NKIRAS1: variants seen among roughly 807,000 people sequenced by gnomAD.
NKIRAS1 encodes NFKB inhibitor interacting Ras like 1, also known as NF-kappa-B inhibitor-interacting Ras-like protein 1.
NKIRAS1 carries 16 observed loss-of-function variants against 19.8 expected under a neutral mutation model. The observed-to-expected ratio is 0.81, with a 90% CI of 0.55 to 1.23. The LOEUF (loss-of-function observed/expected upper bound fraction) is 1.23. Among genes scored for constraint, NKIRAS1 ranks in the 50% most tolerant of loss-of-function variants. NKIRAS1 has a pLI of 0.00. For synonymous variants in NKIRAS1, 88 were observed against 79.0 expected (o/e 1.11, Z -0.61); for missense variants, 184 against 220.0 (o/e 0.84, Z 1.04).
chr3:23,919,005 G>A (rs1704900466), upstream of NKIRAS1: 1 of 604,364 alleles, frequency 1.7e-6, no homozygotes, highest in South Asian at 2.0e-5. Context: ...TTCAGTCTAT[G>A]TGTGTTGTTT....
Position 23,924,870 on chromosome 3 carries a change from A to G in NKIRAS1, c.-139-13420T>C, listed in dbSNP as rs551838667. 5.3e-5 allele frequency among the ~76,000 whole-genome samples: 8 copies of G among 152,360 alleles called. No homozygotes were observed. The South Asian group carries it at 1.4e-3, about 28-fold the overall frequency. On this transcript the variant is annotated intron_variant, in intron 1 of 4. Coordinates refer to the NKIRAS1 transcript ENST00000421515. ...AGGCAGACTAAATGAGGCAACAGTAATAGCCTCCAAATTTCAGTGGCTTAA... is the reference window on the plus strand; with the variant it reads ...AGGCAGACTAAATGAGGCAACAGTAGTAGCCTCCAAATTTCAGTGGCTTAA...
rs1701605207 is a variant in NKIRAS1 at position 23,893,205 on chromosome 3, G to C, written c.469C>G (p.Leu157Val). ...WEVTVTDRKT[L>V]IEPFTLLASK... is the part of the protein sequence containing the mutation. ...GCTAATAAAGTGAATGGTTCAATCA[G>C]AGTTTTCCGATCTGTAACAGTCACC... Residue 157 changes from leucine (L) to valine (V), a missense_variant, in exon 5 of 5, where the codon CTG becomes GTG. By Grantham distance (32) the Leu-to-Val change is conservative. Transcript: ENST00000425478. 1.2e-6 allele frequency: 2 copies of C among 1,613,916 alleles called. No individual in the cohort carries two copies. Among genetic ancestry groups the C allele is most frequent in the African/African-American group, 1.3e-5 (1 of 74,924 alleles).
Position 23,893,278 on chromosome 3 carries a change from A to G in NKIRAS1, c.396T>C (p.Ala132=). ...IDLSEQRQVD[A]EVAQQWAKSE... ...TTTTTGCCCACTGCTGTGCCACTTCAGCGTCCACTTGTCTCTGCTCAGAAA... is the reference window on the plus strand; with the variant it reads ...TTTTTGCCCACTGCTGTGCCACTTCGGCGTCCACTTGTCTCTGCTCAGAAA... The change falls in exon 5 of 5, where the codon GCT becomes GCC. Residue 132 remains alanine, a synonymous_variant. Coordinates refer to ENST00000425478, the MANE Select transcript of NKIRAS1 (RefSeq NM_020345.4). The G allele has an allele frequency of 6.2e-7, 1 of 1,614,068 alleles. No homozygotes were observed. The highest frequency in any genetic ancestry group is 1.1e-5 in the South Asian group (1 of 91,080).
In NKIRAS1 at chr3:23,893,345, A is replaced by G. The variant is rs200153520; in HGVS notation, c.337-8T>C. ...TAATACCACAATTGCTACCTGAAAG[A>G]AAACGGATTGAAAAGATCATACTAG... is the stretch of plus-strand genomic sequence containing the variant. On this transcript the variant is annotated splice_region_variant and splice_polypyrimidine_tract_variant and intron_variant, in intron 4 of 4. Transcript: ENST00000425478. The G allele has an allele frequency of 6.2e-7, 1 of 1,611,902 alleles. No individual in the cohort carries two copies. The highest frequency in any genetic ancestry group is 2.2e-5 in the East Asian group (1 of 44,866).
In NKIRAS1 at chr3:23,914,943, T is replaced by C. The variant is rs111935409; in HGVS notation, c.-140+1841A>G. On this transcript the variant is annotated intron_variant, in intron 1 of 4. Coordinates refer to ENST00000425478, the MANE Select transcript of NKIRAS1 (RefSeq NM_020345.4). ...TTCAACTTTTTAGTCATCCTCACCT[T>C]TGAAATACATACAGGGCTGCACTAC... Among the ~76,000 whole-genome samples, 1,464 of 152,316 alleles carry C rather than the reference T, an allele frequency of 9.6e-3. 26 individuals carry two copies. The highest frequency in any genetic ancestry group is 0.033 in the African/African-American group (1,368 of 41,566).
At chr3:23,931,053 G>A (rs974357189) in intron 1 of NKIRAS1, among the ~76,000 whole-genome samples, 2 of 92,472 alleles carry the variant, frequency 2.2e-5, no homozygotes, top group Admixed American at 1.1e-4. Flanking sequence ...TAGATCACAG[G>A]ATATAATGAA....
At position 23,900,798 on chromosome 3, in the gene NKIRAS1, A is replaced by G; in HGVS notation, c.336+10T>C. The G allele has an allele frequency of 1.2e-6, 2 of 1,609,510 alleles. No homozygotes were observed. Among genetic ancestry groups the G allele is most frequent in the Non-Finnish European group, 1.7e-6 (2 of 1,176,966 alleles). The stretch of plus-strand genomic sequence containing the variant: ...AATTCACATTTGGCATTTTTAACAT[A>G]TCCACTTGCCTCTTTTTTGTCTTTG... On this transcript the variant is annotated intron_variant, in intron 4 of 4. Coordinates refer to ENST00000425478, the MANE Select transcript of NKIRAS1 (RefSeq NM_020345.4).
At chr3:23,946,414 T>G in exon 1 of NKIRAS1, 1 of 540,750 alleles carries the variant, frequency 1.8e-6, no homozygotes, top group Non-Finnish European at 2.4e-6. Flanking sequence ...CCCGAAGGGA[T>G]ACGCTCGAAG....
rs1180687068 is a variant in NKIRAS1 at position 23,891,464 on chromosome 3, A to T, written c.*1631T>A. The T allele has an allele frequency of 1.3e-5, 2 of 152,202 alleles. No individual in the cohort carries two copies. Among genetic ancestry groups the T allele is most frequent in the African/African-American group, 2.4e-5 (1 of 41,446 alleles). 9.4% of individuals were successfully genotyped at this position (152,202 alleles called of 1,614,324 possible). ...TTACCTATATTAGGATCTGTACTTT[A>T]CACAGCTGTAGATGAGGTATCCTAG... On this transcript the variant is annotated 3_prime_UTR_variant, in exon 5 of 5. Transcript: ENST00000425478.
At chr3:23,900,741 A>G in intron 4 of NKIRAS1, 67 bp downstream of exon 4, 1 of 1,286,800 alleles carries the variant, frequency 7.8e-7, no homozygotes, top group South Asian at 1.3e-5. Context: ...TAAACTACCC[A>G]AAAGTCTGTG....
intron 1 of NKIRAS1, among the ~76,000 whole-genome samples, chr3:23,914,298 T>C (rs749116366): frequency 5.3e-5 from 8 of 152,182 alleles, no homozygotes; most frequent in African/African-American, 1.9e-4. Context: ...TGTTCTTCTA[T>C]GTAAGTGGGC....
intron 1 of NKIRAS1, among the ~76,000 whole-genome samples, chr3:23,945,944 A>AGGCGGC (rs1302905218): frequency 1.3e-5 from 2 of 149,720 alleles, no homozygotes; most frequent in Non-Finnish European, 3.0e-5. Flanking sequence ...ATGGGCGCTG[A>AGGCGGC]GGCGGCGGCG....
upstream of NKIRAS1, chr3:23,918,888 C>A: frequency 1.9e-6 from 1 of 514,954 alleles, no homozygotes; most frequent in Non-Finnish European, 3.4e-6. Flanking sequence ...GCTGAGCTCT[C>A]AGTTGTATGG....
upstream of NKIRAS1, chr3:23,918,737 TTGTC>T: frequency 1.2e-6 from 1 of 833,744 alleles, no homozygotes. Flanking sequence ...CTTGAAAGAC[TTGTC>T]TTTGTTACAA....
chr3:23,919,757 A>G (rs1457773178), upstream of NKIRAS1: 2 of 1,204,344 alleles, frequency 1.7e-6, no homozygotes, highest in Non-Finnish European at 2.1e-6. Context: ...ACTGTGTGGT[A>G]TAACAGGCTT....
chr3:23,910,228 G>C (rs1207952276), intron 3 of NKIRAS1, among the ~76,000 whole-genome samples: 2 of 148,488 alleles, frequency 1.3e-5, no homozygotes, highest in East Asian at 2.0e-4. Context: ...CACCATCTTG[G>C]CTCACTGCAA....
intron 1 of NKIRAS1, chr3:23,923,687 A>G (rs1002362948): frequency 1.5e-4 from 23 of 152,254 alleles, no homozygotes; most frequent in African/African-American, 5.3e-4. Context: ...ATAAATTCTT[A>G]GAAGTAGAAT....
intron 1 of NKIRAS1, among the ~76,000 whole-genome samples, chr3:23,912,655 T>A (rs1324175767): frequency 1.3e-5 from 2 of 152,150 alleles, no homozygotes; most frequent in Non-Finnish European, 2.9e-5. Context: ...GATCTAGAAC[T>A]AGAAATACCA....
rs543721893 is a variant in NKIRAS1, at chr3:23,907,644, A to G, written c.94+3167T>C. Among the ~76,000 whole-genome samples the G allele has an allele frequency of 2.4e-4, 36 of 152,368 alleles. No homozygotes were observed. In the East Asian group the frequency reaches 5.6e-3, roughly 24 times the overall value. On this transcript the variant is annotated intron_variant, in intron 3 of 4. Transcript: ENST00000425478. ...TAGTGCAAATCGAGTCAGTGGCACT[A>G]AACGTATAGTTGCCATTAGATCCTC...
Sources: gnomAD v4.1 joint callset for allele counts (sites outside exome capture counted in the v4.1 genomes callset) on GRCh38, gnomAD v4.1.1 for gene constraint, MANE v1.5 for transcripts, NCBI Gene and HGNC (gene_info 2026-07-23, HGNC 2026-07-21) for gene names.